The following MAPK8IP3 variants were observed in gnomAD, a reference collection of about 807,000 sequenced individuals.
MAPK8IP3 encodes the protein mitogen-activated protein kinase 8 interacting protein 3.
A neutral mutation model predicts 157.8 loss-of-function variants in MAPK8IP3; 49 were observed. The ratio of observed to expected loss-of-function variants is 0.31; its 90% CI spans 0.25 to 0.39. The LOEUF (loss-of-function observed/expected upper bound fraction) is 0.39, where lower values mean the gene tolerates loss of function less well. MAPK8IP3 is among the 10% of genes least tolerant of loss of function. The pLI is 1.00. For missense variants in MAPK8IP3, 1,478 were observed against 1,889.4 expected (o/e 0.78, Z 4.04); for synonymous variants, 897 against 777.7 (o/e 1.15, Z -2.55).
chr16:1,718,785 C>CA (rs985470020), intron 1 of MAPK8IP3, among the ~76,000 whole-genome samples: 194 of 125,518 alleles, frequency 1.5e-3, no homozygotes, highest in East Asian at 4.2e-3. Flanking sequence ...AGAACCATCT[C>CA]AAAAAAAAAA....
rs1046078671 is a variant in MAPK8IP3 at position 1,764,192 on chromosome 16, G to A, written c.2103G>A (p.Glu701=). 6.2e-7 allele frequency: 1 copy of A among 1,611,520 alleles called. No homozygotes were observed. The highest frequency in any genetic ancestry group is 8.5e-7 in the Non-Finnish European group (1 of 1,179,416). The part of the protein sequence containing the change: ...PVPVYCRPLV[E]KDPTMKLWCA... Reference sequence around the variant, plus strand: ...CGGTGTACTGCCGCCCTCTGGTGGAGAAGGACCCCACCATGAAGGTGAGCC... The same window carrying A: ...CGGTGTACTGCCGCCCTCTGGTGGAAAAGGACCCCACCATGAAGGTGAGCC... Residue 701 remains glutamate (E), a synonymous_variant, in exon 18 of 32, where the codon GAG becomes GAA. Coordinates refer to ENST00000610761, the MANE Select transcript of MAPK8IP3 (RefSeq NM_001318852.2).
chr16:1,719,594 G>A (rs1025769519), intron 1 of MAPK8IP3, among the ~76,000 whole-genome samples: 1 of 151,528 alleles, frequency 6.6e-6, no homozygotes, highest in African/African-American at 2.4e-5. Context: ...CAATACTCTG[G>A]GAGGCTGAGG....
At chr16:1,719,406 TC>T (rs1226895544) in intron 1 of MAPK8IP3, among the ~76,000 whole-genome samples, 1 of 151,982 alleles carries the variant, frequency 6.6e-6, no homozygotes, top group Non-Finnish European at 1.5e-5. Context: ...CTCAAATCAA[TC>T]TAGAAGGAGA....
At chr16:1,721,802 C>T (rs2142320830) in intron 1 of MAPK8IP3, among the ~76,000 whole-genome samples, 1 of 152,074 alleles carries the variant, frequency 6.6e-6, no homozygotes, top group South Asian at 2.1e-4. Context: ...CTGAGTCTTG[C>T]TCTGTCGCCC....
In MAPK8IP3 at chr16:1,767,585, C is replaced by T. The variant is rs770880471; in HGVS notation, c.3259C>T (p.Arg1087Trp). Residue 1087 changes from arginine to tryptophan, a missense_variant, in exon 27 of 32, where the codon CGG (arginine) becomes TGG (tryptophan). Arg to Trp is a moderately radical substitution (Grantham distance 101). Coordinates refer to ENST00000610761, the MANE Select transcript of MAPK8IP3 (RefSeq NM_001318852.2). The stretch of plus-strand genomic sequence containing the variant: ...ACAGAAGTCATTTGACGCCCACCCG[C>T]GGCGGGAGAGCCAGGTGCGGCAGCT... ...QIEKSFDAHP[R>W]RESQVRQLAW... The T allele has an allele frequency of 3.1e-6, 5 of 1,612,126 alleles. No homozygotes were observed. The highest frequency in any genetic ancestry group is 2.2e-5 in the East Asian group (1 of 44,874).
rs375982015 is a variant in MAPK8IP3 at position 1,764,344 on chromosome 16, A to G, written c.2165A>G (p.Asn722Ser). 1.4e-4 allele frequency: 225 copies of G among 1,579,108 alleles called. No individual in the cohort carries two copies. Among genetic ancestry groups the G allele is most frequent in the Middle Eastern group, 1.8e-4 (1 of 5,484 alleles). Reference sequence around the variant, plus strand: ...GTCAACCTGAGCGGGTGGAGGCCCAATGAGGACGACGCTGGGAATGGAGTC... The same window carrying G: ...GTCAACCTGAGCGGGTGGAGGCCCAGTGAGGACGACGCTGGGAATGGAGTC... ...AGVNLSGWRP[N>S]EDDAGNGVKP... Residue 722 changes from asparagine to serine, a missense_variant, in exon 19 of 32, where the codon AAT becomes AGT. Transcript: ENST00000610761.
intron 19 of MAPK8IP3, 63 bp from the exon 20 acceptor site, chr16:1,764,950 C>A (rs2042171264): frequency 2.0e-6 from 3 of 1,523,294 alleles, no homozygotes; most frequent in Non-Finnish European, 2.7e-6. Flanking sequence ...GCCCCATGGC[C>A]CTGTGCTGCC....
At chr16:1,719,199 C>T (rs892917932) in intron 1 of MAPK8IP3, among the ~76,000 whole-genome samples, 5 of 151,980 alleles carry the variant, frequency 3.3e-5, no homozygotes, top group African/African-American at 1.2e-4. Flanking sequence ...GAACTCTTGG[C>T]CTCAAGTGAC....
intron 17 of MAPK8IP3, 94 bp from the exon 18 acceptor site, chr16:1,764,021 C>T (rs2141938451): frequency 1.5e-6 from 2 of 1,293,938 alleles, no homozygotes; most frequent in Admixed American, 2.4e-5. Flanking sequence ...AGTGGCTGTG[C>T]CGCCAGAAGC....
At chr16:1,760,245 G>C (rs968462621) in intron 11 of MAPK8IP3, 135 bp from the exon 12 acceptor site, 166 of 1,178,192 alleles carry the variant, frequency 1.4e-4, no homozygotes, top group Non-Finnish European at 1.9e-4. Flanking sequence ...AGATGGGGAT[G>C]GGGTCTCCCA....
intron 4 of MAPK8IP3, among the ~76,000 whole-genome samples, chr16:1,735,562 C>G (rs142943872): frequency 7.7e-6 from 1 of 129,882 alleles, no homozygotes; most frequent in Admixed American, 8.0e-5. Flanking sequence ...AGAGTGTGAC[C>G]GTCCATGTGA....
intron 4 of MAPK8IP3, among the ~76,000 whole-genome samples, chr16:1,731,434 G>A (rs988994451): frequency 6.6e-6 from 1 of 152,248 alleles, no homozygotes; most frequent in African/African-American, 2.4e-5. Flanking sequence ...CCACAGAGGT[G>A]GGACAAGGCG....
chr16:1,736,916 GACCATCCA>G (rs1418843955), intron 4 of MAPK8IP3, among the ~76,000 whole-genome samples: 1 of 84,858 alleles, frequency 1.2e-5, no homozygotes, highest in African/African-American at 4.8e-5. Flanking sequence ...CTGTGTGAGT[GACCATCCA>G]TGTGAGCATC....
At chr16:1,739,450 GTCCGTGTGAGCT>G (rs1462570328) in intron 4 of MAPK8IP3, among the ~76,000 whole-genome samples, 7 of 133,792 alleles carry the variant, frequency 5.2e-5, no homozygotes, top group Admixed American at 3.0e-4. Context: ...CCGTGTGACC[GTCCGTGTGAGCT>G]TCCGTGTGAC....
In MAPK8IP3 at chr16:1,768,992, G is replaced by A; in HGVS notation, c.*168G>A. On this transcript the variant is annotated 3_prime_UTR_variant, in exon 32 of 32. Coordinates refer to ENST00000610761, the MANE Select transcript of MAPK8IP3 (RefSeq NM_001318852.2). The stretch of plus-strand genomic sequence containing the variant: ...AGCGGGCAGGGAGTGCGGGGATGCG[G>A]ATCAGCTGGGAGGAGGAGGGGAGGG... 1.3e-6 allele frequency: 1 copy of A among 741,228 alleles called. No homozygotes were observed. The highest frequency in any genetic ancestry group is 2.7e-5 in the Admixed American group (1 of 37,020). The allele number at this position is 741,228 out of a possible 1,614,324, so 45.9% of individuals were successfully genotyped here. A position where few individuals can be genotyped will look rare whatever the true frequency, so the allele number is the denominator to read the frequency against.
chr16:1,739,073 A>AGCATCC (rs2040379956), intron 4 of MAPK8IP3, among the ~76,000 whole-genome samples: 1 of 105,732 alleles, frequency 9.5e-6, no homozygotes, highest in Non-Finnish European at 1.9e-5. Context: ...CGTCCGTGTG[A>AGCATCC]GTGTGACCAT....
Position 1,766,263 on chromosome 16 carries a change from G to A in MAPK8IP3, c.2673G>A (p.Gln891=). Residue 891 remains glutamine, a synonymous_variant, in exon 22 of 32, where the codon CAG becomes CAA. Transcript: ENST00000610761. ...TIANGKVNPS[Q]STEEATEATE... ...CCAACGGGAAGGTCAACCCGTCCCA[G>A]TCCACAGAGGAGGCCACAGAGGCCA... 2 of 1,612,416 alleles carry A rather than the reference G, an allele frequency of 1.2e-6. No homozygotes were observed. The highest frequency in any genetic ancestry group is 1.7e-6 in the Non-Finnish European group (2 of 1,179,856).
At chr16:1,762,212 C>A in intron 13 of MAPK8IP3, 139 bp from the exon 14 acceptor site, 1 of 1,173,364 alleles carries the variant, frequency 8.5e-7, no homozygotes, top group Non-Finnish European at 1.2e-6. Flanking sequence ...TTGCCGACAC[C>A]CCTCCACACC....
chr16:1,746,931 C>T (rs2040998423), intron 5 of MAPK8IP3, 98 bp from the exon 6 acceptor site: 14 of 1,428,102 alleles, frequency 9.8e-6, no homozygotes, highest in East Asian at 2.5e-5. Flanking sequence ...AGGCAAAGTG[C>T]AAAGCATTGG....
Sources: gnomAD v4.1 joint callset for allele counts (sites outside exome capture counted in the v4.1 genomes callset) on GRCh38, gnomAD v4.1.1 for gene constraint, MANE v1.5 for transcripts, NCBI Gene and HGNC (gene_info 2026-07-23, HGNC 2026-07-21) for gene names.